Variants in OSMR observed in about 807,000 individuals in gnomAD.
OSMR encodes the protein oncostatin-M-specific receptor subunit beta.
In OSMR, 81 loss-of-function variants were observed where a neutral mutation model predicts 99.9. The observed-to-expected ratio is 0.81, with a 90% CI of 0.68 to 0.97. The LOEUF is 0.97. OSMR is among the 50% of genes least tolerant of loss of function. The pLI is 0.00. For missense variants in OSMR, 1,099 were observed against 1,153.4 expected, an observed-to-expected ratio of 0.95 and a Z score of 0.68; for synonymous variants, 406 against 410.4, an observed-to-expected ratio of 0.99 and a Z score of 0.13.
At chr5:38,862,065 A>C (rs1405895074) in intron 1 of OSMR, among the ~76,000 whole-genome samples, 2 of 72,386 alleles carry the variant, frequency 2.8e-5, no homozygotes, top group Non-Finnish European at 5.3e-5. Flanking sequence ...GGCGCCCCTC[A>C]CCTCCCGGAC....
chr5:38,925,411 C>A, intron 15 of OSMR, 40 bp downstream of exon 15: 1 of 1,547,138 alleles, frequency 6.5e-7, no homozygotes, highest in South Asian at 1.1e-5. Flanking sequence ...TTAGGAGTTT[C>A]TGGGAAACTA....
At chr5:38,904,134 G>A in intron 8 of OSMR, 110 bp downstream of exon 8, 1 of 1,549,384 alleles carries the variant, frequency 6.5e-7, no homozygotes. Context: ...GGTTCAAATG[G>A]TGTGGGTCAT....
intron 15 of OSMR, among the ~76,000 whole-genome samples, chr5:38,930,051 A>C (rs764839045): frequency 1.3e-5 from 2 of 152,154 alleles, no homozygotes; most frequent in Non-Finnish European, 2.9e-5. Flanking sequence ...TTTCTCCTCC[A>C]GCCCACTTTT....
intron 11 of OSMR, 111 bp downstream of exon 11, chr5:38,919,173 C>G (rs756772336): frequency 9.0e-6 from 14 of 1,547,444 alleles, no homozygotes; most frequent in Non-Finnish European, 1.2e-5. Context: ...GACAAAATGT[C>G]TAGTCACTAA....
intron 2 of OSMR, 112 bp from the exon 3 acceptor site, chr5:38,876,089 T>G: frequency 6.7e-7 from 1 of 1,481,918 alleles, no homozygotes; most frequent in Non-Finnish European, 9.1e-7. Context: ...GATGCACATA[T>G]GAGCAATATT....
intron 11 of OSMR, among the ~76,000 whole-genome samples, chr5:38,919,838 G>T (rs1166397194): frequency 6.6e-6 from 1 of 152,174 alleles, no homozygotes; most frequent in Non-Finnish European, 1.5e-5. Flanking sequence ...TTTGGGTTGA[G>T]TTGGATTAGA....
chr5:38,907,628 C>T (rs375021204), intron 9 of OSMR, among the ~76,000 whole-genome samples: 23 of 152,196 alleles, frequency 1.5e-4, no homozygotes, highest in Admixed American at 3.9e-4. Flanking sequence ...GAGTTGCAGC[C>T]TCAGATGCCC....
intron 9 of OSMR, among the ~76,000 whole-genome samples, chr5:38,909,102 T>G (rs931487966): frequency 1.3e-5 from 2 of 152,154 alleles, no homozygotes; most frequent in Admixed American, 6.5e-5. Context: ...GCTGAATAAT[T>G]CATTTCAAGA....
intron 10 of OSMR, among the ~76,000 whole-genome samples, chr5:38,918,390 G>A (rs990359281): frequency 5.9e-5 from 9 of 152,080 alleles, no homozygotes; most frequent in African/African-American, 1.9e-4. Flanking sequence ...GAGGGCTCTG[G>A]GTATGGAGAG....
At chr5:38,869,432 C>T (rs916104671) in intron 2 of OSMR, among the ~76,000 whole-genome samples, 10 of 152,166 alleles carry the variant, frequency 6.6e-5, no homozygotes, top group Non-Finnish European at 7.3e-5. Context: ...AGACCATCAT[C>T]GAAGTAGTTC....
At chr5:38,864,540 GT>G (rs33918195) in intron 1 of OSMR, among the ~76,000 whole-genome samples, 1 of 147,244 alleles carries the variant, frequency 6.8e-6, no homozygotes. Context: ...CTTGCCTGAA[GT>G]TTTTTTTTTT....
At chr5:38,914,427 A>G (rs1439449116) in intron 9 of OSMR, among the ~76,000 whole-genome samples, 1 of 152,256 alleles carries the variant, frequency 6.6e-6, no homozygotes, top group Non-Finnish European at 1.5e-5. Flanking sequence ...GAGGGAATAT[A>G]AATTAGTTCA....
chr5:38,859,237 T>C (rs182560954), intron 1 of OSMR, among the ~76,000 whole-genome samples: 1 of 152,346 alleles, frequency 6.6e-6, no homozygotes, highest in African/African-American at 2.4e-5. Flanking sequence ...AGTTTAGGCA[T>C]TATGTTTAAG....
rs1376766384 is a variant in OSMR, at chr5:38,876,294, A to G, written c.167A>G (p.Asn56Ser). ...QSLHLQWTVH[N>S]LPYHQELKMV... ...TTGCACTTACAATGGACTGTCCACA[A>G]CCTTCCTTATCATCAGGAATTGAAA... Residue 56 changes from asparagine (N) to serine (S), a missense_variant, in exon 3 of 18, where the codon AAC (asparagine) becomes AGC (serine). Transcript: ENST00000274276. 2 of 1,612,866 alleles carry G rather than the reference A, an allele frequency of 1.2e-6. No homozygotes were observed. The highest frequency in any genetic ancestry group is 1.3e-5 in the African/African-American group (1 of 74,876).
intron 7 of OSMR, among the ~76,000 whole-genome samples, chr5:38,900,331 T>G (rs1259669996): frequency 6.6e-6 from 1 of 152,198 alleles, no homozygotes; most frequent in Non-Finnish European, 1.5e-5. Context: ...AAGAATATCT[T>G]TCTTCCCCTT....
In OSMR at chr5:38,908,524, C is replaced by G. The variant is rs199779154; in HGVS notation, c.1285+4021C>G. Among the ~76,000 whole-genome samples the G allele has an allele frequency of 4.6e-5, 7 of 152,300 alleles. No homozygotes were observed. The East Asian group carries it at 1.4e-3, about 29-fold the overall frequency. ...GCACCACTCATTGGAGTTTTGTGGC[C>G]AGCAGACTGAGATCAGTTCGGCCTC... is the stretch of plus-strand genomic sequence containing the variant. On this transcript the variant is annotated intron_variant, in intron 9 of 17. Transcript: ENST00000274276.
At position 38,862,286 on chromosome 5, in the gene OSMR, C is replaced by T. The variant is rs867729484; in HGVS notation, c.-13-6746C>T. Among the ~76,000 whole-genome samples, 113 of 95,084 alleles carry T rather than the reference C, an allele frequency of 1.2e-3. 14 individuals carry two copies. The highest frequency in any genetic ancestry group is 8.6e-3 in the Middle Eastern group (1 of 116). 62.4% of individuals were successfully genotyped at this position (95,084 alleles called of 152,430 possible). A position where few individuals can be genotyped will look rare whatever the true frequency, so the allele number is the denominator to read the frequency against. On this transcript the variant is annotated intron_variant, in intron 1 of 17. Transcript: ENST00000274276. ...CTCCCGGACGGGGCGGCTGGCTGGG[C>T]GGGGGGCTGACCCCCCCACCTCCCT...
chr5:38,881,638 A>T lies in OSMR; in HGVS notation c.292A>T (p.Ser98Cys). 1 of 1,614,120 alleles carries T rather than the reference A, an allele frequency of 6.2e-7. No homozygotes were observed. Among genetic ancestry groups the T allele is most frequent in the Non-Finnish European group, 8.5e-7 (1 of 1,179,990 alleles). ...TVKWNQVLHW[S>C]WESELPLECA... Reference sequence around the variant, plus strand: ...GAAGTGGAACCAGGTTCTGCATTGGAGCTGGGAATCTGAGCTCCCTTTGGA... The same window carrying T: ...GAAGTGGAACCAGGTTCTGCATTGGTGCTGGGAATCTGAGCTCCCTTTGGA... The change falls in exon 4 of 18, where the codon AGC becomes TGC. Residue 98 changes from serine (S) to cysteine (C), a missense_variant. By Grantham distance (112) the Ser-to-Cys change is moderately radical. Coordinates refer to ENST00000274276, the MANE Select transcript of OSMR (RefSeq NM_003999.3).
rs370503565 is a variant in OSMR at position 38,925,381 on chromosome 5, C to T, written c.2212+10C>T. The T allele has an allele frequency of 6.8e-6, 11 of 1,611,002 alleles. No homozygotes were observed. The highest frequency in any genetic ancestry group is 8.5e-6 in the Non-Finnish European group (10 of 1,177,288). On this transcript the variant is annotated intron_variant, in intron 15 of 17. Coordinates refer to ENST00000274276, the MANE Select transcript of OSMR (RefSeq NM_003999.3). Reference sequence around the variant, plus strand: ...ACTCCGGATGAACACTGTGAGTTTTCCCAAATCAAAGTTCTTCCCTTAGGA... The same window carrying T: ...ACTCCGGATGAACACTGTGAGTTTTTCCAAATCAAAGTTCTTCCCTTAGGA...
Sources: gnomAD v4.1 joint callset for allele counts (sites outside exome capture counted in the v4.1 genomes callset) on GRCh38, gnomAD v4.1.1 for gene constraint, MANE v1.5 for transcripts, NCBI Gene and HGNC (gene_info 2026-07-23, HGNC 2026-07-21) for gene names.